Variants in PCSK2 observed in about 807,000 individuals in gnomAD.
PCSK2 encodes the protein proprotein convertase subtilisin/kexin type 2.
PCSK2 carries 14 observed loss-of-function variants against 69.7 expected under a neutral mutation model. The observed-to-expected ratio is 0.20, with a 90% CI of 0.13 to 0.31. PCSK2 has a LOEUF of 0.31. Ranked by LOEUF, PCSK2 falls within the 10% of genes least tolerant of loss-of-function variation. PCSK2 has a pLI of 1.00. For synonymous variants in PCSK2, 307 were observed against 320.7 expected (o/e 0.96, Z 0.46); for missense variants, 544 against 842.5 (o/e 0.65, Z 4.39).
At chr20:17,268,828 A>C (rs2123019191) in intron 2 of PCSK2, among the ~76,000 whole-genome samples, 1 of 152,340 alleles carries the variant, frequency 6.6e-6, no homozygotes, top group Non-Finnish European at 1.5e-5. Context: ...TCAGAAGAGA[A>C]AAGCCAGTGG....
intron 2 of PCSK2, among the ~76,000 whole-genome samples, chr20:17,312,612 T>C (rs1989552023): frequency 6.6e-6 from 1 of 152,052 alleles, no homozygotes; most frequent in Non-Finnish European, 1.5e-5. Flanking sequence ...CCCACTGTCC[T>C]ATGCACTGTT....
intron 1 of PCSK2, among the ~76,000 whole-genome samples, chr20:17,234,363 GACT>G (rs1986254058): frequency 6.6e-6 from 1 of 152,176 alleles, no homozygotes; most frequent in Admixed American, 6.5e-5. Flanking sequence ...CCTTGACTAT[GACT>G]ACAGTTGGAC....
chr20:17,419,382 T>TTTTCAAAATACTCTTATACTC (rs1160982376), intron 6 of PCSK2, among the ~76,000 whole-genome samples: 1 of 152,162 alleles, frequency 6.6e-6, no homozygotes, highest in Admixed American at 6.5e-5. Flanking sequence ...AGTTAAGACA[T>TTTTCAAAATACTCTTATACTC]TTTCAAAAAG....
chr20:17,441,059 C>T (rs541047161), intron 8 of PCSK2, among the ~76,000 whole-genome samples: 1 of 152,106 alleles, frequency 6.6e-6, no homozygotes, highest in East Asian at 1.9e-4. Flanking sequence ...TGCTTCTCCC[C>T]GGTTTCGTGG....
At chr20:17,352,174 C>A (rs1466290962) in intron 2 of PCSK2, among the ~76,000 whole-genome samples, 1 of 152,076 alleles carries the variant, frequency 6.6e-6, no homozygotes, top group Non-Finnish European at 1.5e-5. Context: ...AGGAGAACTA[C>A]AAAACACTGC....
intron 1 of PCSK2, among the ~76,000 whole-genome samples, chr20:17,242,514 T>C (rs1986620037): frequency 6.6e-6 from 1 of 152,254 alleles, no homozygotes; most frequent in Admixed American, 6.5e-5. Flanking sequence ...GTCTAGTTTA[T>C]AAGAATTCAT....
chr20:17,237,061 A>C (rs6034777), intron 1 of PCSK2, among the ~76,000 whole-genome samples: 66,484 of 152,034 alleles, frequency 0.44, 15,276 homozygotes, highest in African/African-American at 0.58. Flanking sequence ...ACATCTTAAG[A>C]ATGTCTTAAG....
At chr20:17,427,918 G>A (rs1159926127) in intron 6 of PCSK2, among the ~76,000 whole-genome samples, 2 of 152,188 alleles carry the variant, frequency 1.3e-5, no homozygotes, top group East Asian at 3.9e-4. Context: ...GGTCTCCTGA[G>A]GCCCAGGCTC....
intron 2 of PCSK2, among the ~76,000 whole-genome samples, chr20:17,315,803 C>T (rs1159038807): frequency 3.9e-5 from 6 of 152,210 alleles, no homozygotes; most frequent in Non-Finnish European, 8.8e-5. Flanking sequence ...GGCGTCCTGG[C>T]CCGTGGCTGT....
At chr20:17,303,529 T>TAATA (rs1327135100) in intron 2 of PCSK2, among the ~76,000 whole-genome samples, 6 of 41,706 alleles carry the variant, frequency 1.4e-4, no homozygotes, top group Non-Finnish European at 2.2e-4. Context: ...ATAATATATA[T>TAATA]TATATTATAT....
rs1349467539 is a variant in PCSK2, at chr20:17,484,166, A to C, written c.*2096A>C. 1 of 152,318 alleles carries C rather than the reference A, an allele frequency of 6.6e-6. No individual in the cohort carries two copies. Among genetic ancestry groups the C allele is most frequent in the Non-Finnish European group, 1.5e-5 (1 of 68,010 alleles). The allele number at this position is 152,318 out of a possible 1,614,324, so 9.4% of individuals were successfully genotyped here. On this transcript the variant is annotated 3_prime_UTR_variant, in exon 12 of 12. Transcript: ENST00000262545. Reference sequence around the variant, plus strand: ...TTTTCAGCTCTCTGTATAAACATTAAATGTCTTATATAGCAGCAAAAATAT... The same window carrying C: ...TTTTCAGCTCTCTGTATAAACATTACATGTCTTATATAGCAGCAAAAATAT...
chr20:17,437,123 G>A (rs1360169096), intron 8 of PCSK2, among the ~76,000 whole-genome samples: 1 of 101,580 alleles, frequency 9.8e-6, no homozygotes, highest in Non-Finnish European at 2.1e-5. Context: ...AAACGACAGT[G>A]GGAAGGAAGG....
intron 5 of PCSK2, among the ~76,000 whole-genome samples, chr20:17,382,212 T>C (rs1201782618): frequency 6.6e-6 from 1 of 152,212 alleles, no homozygotes; most frequent in East Asian, 1.9e-4. Flanking sequence ...TCCATTGATT[T>C]CTGTGGAATA....
chr20:17,418,570 T>C (rs1009381658), intron 6 of PCSK2, among the ~76,000 whole-genome samples: 5 of 152,064 alleles, frequency 3.3e-5, no homozygotes, highest in African/African-American at 1.2e-4. Flanking sequence ...AATTCTGTGG[T>C]TGGGTCAGAA....
intron 1 of PCSK2, among the ~76,000 whole-genome samples, chr20:17,238,965 C>T (rs566928539): frequency 6.6e-6 from 1 of 152,230 alleles, no homozygotes; most frequent in Admixed American, 6.5e-5. Context: ...GGCTTAGCAT[C>T]ATCATTAGAT....
At chr20:17,352,747 T>C (rs1009016913) in intron 2 of PCSK2, among the ~76,000 whole-genome samples, 5 of 152,140 alleles carry the variant, frequency 3.3e-5, no homozygotes, top group African/African-American at 9.7e-5. Flanking sequence ...ATAAAAACTC[T>C]AGAAGAAAAC....
At chr20:17,413,086 T>G (rs1438634003) in intron 6 of PCSK2, among the ~76,000 whole-genome samples, 3 of 152,070 alleles carry the variant, frequency 2.0e-5, no homozygotes, top group African/African-American at 7.2e-5. Flanking sequence ...CACCCCAAAT[T>G]GCAAAGACCA....
chr20:17,341,586 G>T (rs917719393), intron 2 of PCSK2, among the ~76,000 whole-genome samples: 1 of 152,226 alleles, frequency 6.6e-6, no homozygotes. Flanking sequence ...CTATTCAGCC[G>T]CACTGAATAG....
chr20:17,404,555 G>A (rs551278882), intron 5 of PCSK2, among the ~76,000 whole-genome samples: 163 of 152,284 alleles, frequency 1.1e-3, no homozygotes, highest in African/African-American at 3.8e-3. Flanking sequence ...CTCAGTATCT[G>A]CCTGATAACC....
Sources: gnomAD v4.1 joint callset for allele counts (sites outside exome capture counted in the v4.1 genomes callset) on GRCh38, gnomAD v4.1.1 for gene constraint, MANE v1.5 for transcripts, NCBI Gene and HGNC (gene_info 2026-07-23, HGNC 2026-07-21) for gene names.